Variants in TAF15 observed in about 807,000 individuals in gnomAD.
TAF15 encodes the protein TATA-box binding protein associated factor 15, also known as TATA-binding protein-associated factor 2N.
Under a neutral mutation model 102.5 loss-of-function variants are expected in TAF15, and 37 were observed. The observed-to-expected ratio is 0.36, with a 90% CI of 0.28 to 0.47. The LOEUF is 0.47. TAF15 is among the 20% of genes least tolerant of loss of function. TAF15 has a pLI of 0.99. For missense variants in TAF15, 652 were observed against 760.7 expected (o/e 0.86, Z 1.68); for synonymous variants, 273 against 259.2 (o/e 1.05, Z -0.51).
chr17:35,812,768 A>G (rs983335055), intron 1 of TAF15, among the ~76,000 whole-genome samples: 1 of 152,078 alleles, frequency 6.6e-6, no homozygotes, highest in Non-Finnish European at 1.5e-5. Flanking sequence ...CCTCTAACAG[A>G]TTATCTGAGA....
intron 7 of TAF15, among the ~76,000 whole-genome samples, chr17:35,833,334 A>G (rs1251335706): frequency 2.6e-5 from 4 of 152,298 alleles, no homozygotes; most frequent in Non-Finnish European, 2.9e-5. Context: ...TTAGTCTTTT[A>G]TAAGGGTTTT....
At chr17:35,846,213 C>T (rs2143840211) in intron 15 of TAF15, among the ~76,000 whole-genome samples, 1 of 152,330 alleles carries the variant, frequency 6.6e-6, no homozygotes, top group South Asian at 2.1e-4. Context: ...AACTCTACCA[C>T]TTATTAGCTG....
At chr17:35,820,109 T>A in intron 3 of TAF15, 34 bp downstream of exon 3, 1 of 1,613,634 alleles carries the variant, frequency 6.2e-7, no homozygotes, top group Non-Finnish European at 8.5e-7. Flanking sequence ...TCTTCATAAG[T>A]AGTTATTTTT....
At chr17:35,822,130 T>G (rs1395360382) in intron 5 of TAF15, among the ~76,000 whole-genome samples, 2 of 151,512 alleles carry the variant, frequency 1.3e-5, no homozygotes. Context: ...TCACGTGAGG[T>G]CAGGAGTTAA....
chr17:35,841,230 T>G (rs1040728452), intron 11 of TAF15, among the ~76,000 whole-genome samples: 10 of 152,262 alleles, frequency 6.6e-5, no homozygotes, highest in Non-Finnish European at 1.5e-4. Flanking sequence ...AATATGAGTT[T>G]CTTTTTCACC....
At chr17:35,834,723 A>G (rs535139838) in intron 9 of TAF15, 125 bp downstream of exon 9, 1 of 687,756 alleles carries the variant, frequency 1.5e-6, no homozygotes, top group African/African-American at 2.3e-5. Context: ...TGCTGCCAGA[A>G]CTGGGGAGCT....
At chr17:35,846,769 A>G (rs966525711) in intron 15 of TAF15, 137 bp from the exon 16 acceptor site, 2 of 876,298 alleles carry the variant, frequency 2.3e-6, no homozygotes, top group South Asian at 2.8e-5. Context: ...CTAGGAGTAC[A>G]GAAATAAATG....
chr17:35,839,031 TG>T (rs2087509185), intron 11 of TAF15, among the ~76,000 whole-genome samples: 2 of 151,968 alleles, frequency 1.3e-5, no homozygotes, highest in African/African-American at 4.8e-5. Flanking sequence ...TTTGGGAGGC[TG>T]AGGCAGGAGG....
intron 7 of TAF15, among the ~76,000 whole-genome samples, chr17:35,831,054 T>C (rs1329905360): frequency 6.6e-6 from 1 of 152,188 alleles, no homozygotes; most frequent in East Asian, 1.9e-4. Flanking sequence ...TCCAAATTTA[T>C]GGCCATGTGT....
intron 7 of TAF15, among the ~76,000 whole-genome samples, chr17:35,829,649 AAAAAAAAG>A (rs1423165044): frequency 6.1e-4 from 90 of 147,980 alleles, no homozygotes; most frequent in African/African-American, 1.9e-3. Flanking sequence ...AAAAAAAAAA[AAAAAAAAG>A]AGAGAGAGAG....
chr17:35,836,775 G>T (rs2087479986), intron 10 of TAF15, among the ~76,000 whole-genome samples: 1 of 151,832 alleles, frequency 6.6e-6, no homozygotes, highest in Non-Finnish European at 1.5e-5. Flanking sequence ...TGGTGTCTGT[G>T]GAATTACTCT....
At chr17:35,835,612 G>A (rs1184738878) in intron 9 of TAF15, among the ~76,000 whole-genome samples, 1 of 152,178 alleles carries the variant, frequency 6.6e-6, no homozygotes, top group Non-Finnish European at 1.5e-5. Context: ...CCAAAAGTGT[G>A]CATGTCAGGT....
At chr17:35,819,859 C>G (rs1043024686) in intron 2 of TAF15, among the ~76,000 whole-genome samples, 165 bp from the exon 3 acceptor site, 1 of 152,102 alleles carries the variant, frequency 6.6e-6, no homozygotes, top group African/African-American at 2.4e-5. Flanking sequence ...CTTTAACAGT[C>G]TTTGATCGTC....
At chr17:35,817,222 C>CT (rs771696244) in intron 1 of TAF15, 1,746 of 134,376 alleles carry the variant, frequency 0.013, 31 homozygotes, top group Admixed American at 0.066. Context: ...AACTTAGCTG[C>CT]TTTTTTTTTT....
chr17:35,817,926 TTTTC>T (rs1403842274), intron 2 of TAF15, among the ~76,000 whole-genome samples, 171 bp downstream of exon 2: 1 of 152,116 alleles, frequency 6.6e-6, no homozygotes, highest in African/African-American at 2.4e-5. Flanking sequence ...CCCTTTCTGT[TTTTC>T]TTTATGTTTT....
At chr17:35,832,177 G>C (rs2087415704) in intron 7 of TAF15, among the ~76,000 whole-genome samples, 1 of 152,188 alleles carries the variant, frequency 6.6e-6, no homozygotes, top group African/African-American at 2.4e-5. Flanking sequence ...CTTTCTTAAA[G>C]AGTTAGGCAG....
Position 35,836,144 on chromosome 17 carries a change from A to G in TAF15, c.686A>G (p.Asp229Gly). 1 of 1,612,810 alleles carries G rather than the reference A, an allele frequency of 6.2e-7. No individual in the cohort carries two copies. The highest frequency in any genetic ancestry group is 1.1e-5 in the South Asian group (1 of 91,048). The change falls in exon 10 of 16, where the codon GAT (aspartate) becomes GGT (glycine). Residue 229 changes from aspartate to glycine, a missense_variant. Around this residue, in one of 3 missense-constraint regions of TAF15, gnomAD observed 243 missense variants for 284.1 expected, o/e 0.86. Coordinates refer to ENST00000605844, the MANE Select transcript of TAF15 (RefSeq NM_139215.3). ...TTTTTTCTCTTAGATTCAGAATCTG[A>G]TAATTCAGATAACAACACAATCTTT... Reference protein sequence around the residue: ...GPRTDADSESDNSDNNTIFVQ... With the variant: ...GPRTDADSESGNSDNNTIFVQ...
At chr17:35,838,397 A>G (rs2087501488) in intron 10 of TAF15, 27 bp from the exon 11 acceptor site, 1 of 1,613,636 alleles carries the variant, frequency 6.2e-7, no homozygotes. Flanking sequence ...AAAAATGCTA[A>G]CACCAAGTGT....
At chr17:35,830,651 A>G (rs4293433) in intron 7 of TAF15, among the ~76,000 whole-genome samples, 149,871 of 152,330 alleles carry the variant, frequency 0.98, 73,727 homozygotes, top group East Asian at 1. Context: ...TTCTAATAAG[A>G]AGAGAGAAAA....
Sources: gnomAD v4.1 joint callset for allele counts (sites outside exome capture counted in the v4.1 genomes callset) on GRCh38, gnomAD v4.1.1 for gene constraint, gnomAD v4.1.1 regional missense constraint, MANE v1.5 for transcripts, NCBI Gene and HGNC (gene_info 2026-07-23, HGNC 2026-07-21) for gene names.